Variants in KCNIP4 observed in about 807,000 individuals in gnomAD.
KCNIP4 encodes Kv channel-interacting protein 4.
A neutral mutation model predicts 34.0 loss-of-function variants in KCNIP4; 12 were observed. That is an observed-to-expected ratio of 0.35 (90% CI 0.23 to 0.57). The LOEUF is 0.57. Ranked by LOEUF, KCNIP4 falls within the 20% of genes least tolerant of loss-of-function variation. The pLI, the probability that KCNIP4 is intolerant of heterozygous loss-of-function variation, is 0.83. For synonymous variants in KCNIP4, 124 were observed against 102.2 expected (o/e 1.21, Z -1.29); for missense variants, 238 against 311.7 (o/e 0.76, Z 1.78).
At chr4:21,112,609 G>C (rs1043369590) in intron 1 of KCNIP4, among the ~76,000 whole-genome samples, 1 of 152,200 alleles carries the variant, frequency 6.6e-6, no homozygotes, top group Non-Finnish European at 1.5e-5. Flanking sequence ...GATACTGACT[G>C]TCTACTGGTA....
At chr4:21,637,843 C>T (rs1746328009) in intron 1 of KCNIP4, among the ~76,000 whole-genome samples, 1 of 150,902 alleles carries the variant, frequency 6.6e-6, no homozygotes, top group Non-Finnish European at 1.5e-5. Context: ...AAGGAGCTTG[C>T]CTAATCACAC....
chr4:21,463,168 C>T (rs1205339666), intron 1 of KCNIP4, among the ~76,000 whole-genome samples: 1 of 152,068 alleles, frequency 6.6e-6, no homozygotes, highest in Non-Finnish European at 1.5e-5. Flanking sequence ...CCACATCCTT[C>T]CCAACACTTG....
intron 1 of KCNIP4, among the ~76,000 whole-genome samples, chr4:21,297,663 G>A (rs916670383): frequency 1.3e-5 from 2 of 152,038 alleles, no homozygotes; most frequent in Non-Finnish European, 2.9e-5. Context: ...GTTTCTGCAG[G>A]ATGTTTTGTT....
At chr4:21,906,771 G>A (rs1728025527) in intron 1 of KCNIP4, among the ~76,000 whole-genome samples, 1 of 152,060 alleles carries the variant, frequency 6.6e-6, no homozygotes, top group Non-Finnish European at 1.5e-5. Context: ...ACCCTGCCCT[G>A]ATAACATCTA....
chr4:21,462,765 TTGTGTGTGTGTGTGTGTGTG>T (rs57124779), intron 1 of KCNIP4, among the ~76,000 whole-genome samples: 3,276 of 145,776 alleles, frequency 0.022, 126 homozygotes, highest in East Asian at 0.12. Context: ...TAGTATTCCA[TTGTGTGTGTGTGTGTGTGTG>T]TGTGTGTGTG....
At chr4:21,690,982 T>C (rs551819371) in intron 1 of KCNIP4, among the ~76,000 whole-genome samples, 15 of 152,118 alleles carry the variant, frequency 9.9e-5, no homozygotes, top group Admixed American at 7.9e-4. Context: ...TAGCAAACGA[T>C]GTGGTAGAAT....
chr4:20,842,276 T>C (rs1719824984), intron 3 of KCNIP4, among the ~76,000 whole-genome samples: 1 of 152,112 alleles, frequency 6.6e-6, no homozygotes, highest in Non-Finnish European at 1.5e-5. Context: ...GCTGTTGTCC[T>C]GATGAAGAAG....
chr4:21,306,725 T>C (rs995782858), intron 1 of KCNIP4, among the ~76,000 whole-genome samples: 1 of 152,202 alleles, frequency 6.6e-6, no homozygotes, highest in Non-Finnish European at 1.5e-5. Flanking sequence ...TGCAGAGCCC[T>C]TCAGCTTGCC....
chr4:21,503,824 A>G (rs577333683), intron 1 of KCNIP4, among the ~76,000 whole-genome samples: 2 of 152,296 alleles, frequency 1.3e-5, no homozygotes, highest in African/African-American at 2.4e-5. Context: ...TATGCTTCAT[A>G]TTTCATGAGA....
chr4:21,106,455 A>C (rs1748544338), intron 1 of KCNIP4, among the ~76,000 whole-genome samples: 2 of 151,478 alleles, frequency 1.3e-5, no homozygotes, highest in Admixed American at 1.3e-4. Flanking sequence ...CCCCTTTATC[A>C]TTTTTTATCG....
chr4:21,239,151 C>G (rs943156434), intron 1 of KCNIP4, among the ~76,000 whole-genome samples: 6 of 151,652 alleles, frequency 4.0e-5, no homozygotes. Context: ...ACAAATGGTG[C>G]TGGGAAAACT....
intron 1 of KCNIP4, among the ~76,000 whole-genome samples, chr4:21,525,264 T>C (rs1003364415): frequency 3.3e-5 from 5 of 152,314 alleles, no homozygotes; most frequent in Admixed American, 6.5e-5. Context: ...TCCAACAATA[T>C]GGAAAACTTC....
At chr4:21,854,909 G>A (rs1225305012) in intron 1 of KCNIP4, among the ~76,000 whole-genome samples, 2 of 152,182 alleles carry the variant, frequency 1.3e-5, no homozygotes, top group Non-Finnish European at 2.9e-5. Flanking sequence ...TTTGGACTGT[G>A]TTTTAATCAA....
At chr4:21,112,709 C>T (rs1160181094) in intron 1 of KCNIP4, among the ~76,000 whole-genome samples, 1 of 152,216 alleles carries the variant, frequency 6.6e-6, no homozygotes, top group Non-Finnish European at 1.5e-5. Flanking sequence ...AGCTGATCCA[C>T]TGCTCAGTCA....
chr4:20,881,584 G>GC (rs1312633631), intron 2 of KCNIP4, among the ~76,000 whole-genome samples: 10 of 151,724 alleles, frequency 6.6e-5, no homozygotes, highest in African/African-American at 9.7e-5. Flanking sequence ...AAGTTATATA[G>GC]CATCTTTATA....
At chr4:20,765,810 T>G (rs1465726074) in intron 3 of KCNIP4, among the ~76,000 whole-genome samples, 3 of 152,200 alleles carry the variant, frequency 2.0e-5, no homozygotes, top group Non-Finnish European at 4.4e-5. Flanking sequence ...TAGATTTGTC[T>G]GTTGGTGAAG....
At chr4:21,361,350 A>G (rs1313645506) in intron 1 of KCNIP4, among the ~76,000 whole-genome samples, 1 of 152,136 alleles carries the variant, frequency 6.6e-6, no homozygotes, top group Non-Finnish European at 1.5e-5. Context: ...CAATTACCTC[A>G]GGAAATGGCA....
intron 1 of KCNIP4, among the ~76,000 whole-genome samples, chr4:21,859,640 G>A (rs900184729): frequency 6.6e-6 from 1 of 150,982 alleles, no homozygotes; most frequent in Non-Finnish European, 1.5e-5. Context: ...AAAAAAAAAA[G>A]GAATAGTGCT....
intron 1 of KCNIP4, among the ~76,000 whole-genome samples, chr4:21,652,268 T>C (rs967702497): frequency 1.3e-5 from 2 of 152,194 alleles, no homozygotes; most frequent in African/African-American, 2.4e-5. Flanking sequence ...CAGCAACTTA[T>C]TCATTTTACA....
Sources: allele counts gnomAD v4.1 joint callset (sites outside exome capture counted in the v4.1 genomes callset), GRCh38; gene constraint gnomAD v4.1.1; transcripts MANE v1.5; gene names NCBI Gene and HGNC (gene_info 2026-07-23, HGNC 2026-07-21).